Variants in DCC observed in about 807,000 individuals in gnomAD.
DCC encodes the protein DCC netrin 1 receptor, also known as netrin receptor DCC.
DCC carries 58 observed loss-of-function variants against 172.5 expected under a neutral mutation model. That is an observed-to-expected ratio of 0.34 (90% CI 0.27 to 0.42). The LOEUF (loss-of-function observed/expected upper bound fraction) is 0.42, where lower values mean the gene tolerates loss of function less well. Among genes scored for constraint, DCC ranks in the 10% least tolerant of loss-of-function variants. DCC has a pLI of 1.00. For missense variants in DCC, 1,740 were observed against 1,791.0 expected, an observed-to-expected ratio of 0.97 and a Z score of 0.51; for synonymous variants, 709 against 644.5, an observed-to-expected ratio of 1.10 and a Z score of -1.52.
At position 52,467,037 on chromosome 18, in the gene DCC, G is replaced by T. The variant is rs550200527; in HGVS notation, c.91+126159G>T. Among the ~76,000 whole-genome samples the T allele has an allele frequency of 9.0e-4, 115 of 127,786 alleles. 1 individual carries two copies. The highest frequency in any genetic ancestry group is 5.6e-4 in the Non-Finnish European group (32 of 57,488). The allele number at this position is 127,786 out of a possible 152,430, so 83.8% of individuals were successfully genotyped here. A position where few individuals can be genotyped will look rare whatever the true frequency, so the allele number is the denominator to read the frequency against. On this transcript the variant is annotated intron_variant, in intron 1 of 28. Transcript: ENST00000442544. ...TGTGGTTCTTCTTGCTGTAAAAGTG[G>T]TTTTTTTAAAAAAAAAATATATATA...
chr18:52,839,799 T>G lies in DCC; in HGVS notation c.413-66245T>G, dbSNP rs2076630563. The stretch of plus-strand genomic sequence containing the variant: ...ATGGTGTGGATTAGGTGTTACATTT[T>G]GTTTAGACATGGAAAATAAAATAGG... On this transcript the variant is annotated intron_variant, in intron 2 of 28. Transcript: ENST00000442544. Among the ~76,000 whole-genome samples, 5 of 152,230 alleles carry G rather than the reference T, an allele frequency of 3.3e-5. No individual in the cohort carries two copies. The South Asian group carries it at 1.0e-3, about 31-fold the overall frequency.
At chr18:52,943,354 C>T (rs184639549) in intron 5 of DCC, among the ~76,000 whole-genome samples, 93 of 152,166 alleles carry the variant, frequency 6.1e-4, no homozygotes, top group Admixed American at 2.0e-3. Flanking sequence ...GATTTTTCAT[C>T]CTATCTGCTG....
rs144273419 is a variant in DCC at position 53,214,818 on chromosome 18, T to C, written c.1862-730T>C. On this transcript the variant is annotated intron_variant, in intron 11 of 28. Transcript: ENST00000442544. ...TTACTCACATGATAGAATATTCACT[T>C]TTTTGGTAGAGTAAATATTTATTAT... is the stretch of plus-strand genomic sequence containing the variant. Among the ~76,000 whole-genome samples the C allele has an allele frequency of 8.5e-5, 13 of 152,282 alleles. No homozygotes were observed. The East Asian group carries it at 2.5e-3, about 29-fold the overall frequency.
At chr18:52,510,119 C>CAAAA (rs34308021) in intron 1 of DCC, among the ~76,000 whole-genome samples, 1 of 132,986 alleles carries the variant, frequency 7.5e-6, no homozygotes. Flanking sequence ...GCATCCCCTT[C>CAAAA]AAAAAAAAAA....
chr18:52,568,271 T>C (rs1252815058), intron 1 of DCC, among the ~76,000 whole-genome samples: 1 of 152,136 alleles, frequency 6.6e-6, no homozygotes, highest in African/African-American at 2.4e-5. Context: ...CACAAATGTC[T>C]ACAGCTGTTC....
chr18:53,304,454 C>T (rs1360114967), intron 12 of DCC, among the ~76,000 whole-genome samples: 1 of 152,008 alleles, frequency 6.6e-6, no homozygotes, highest in East Asian at 1.9e-4. Context: ...GTTGCCATTG[C>T]TCTAGGTATC....
Position 52,340,621 on chromosome 18 carries a change from A to G in DCC, c.-167A>G, listed in dbSNP as rs1023985723. 8 of 730,398 alleles carry G rather than the reference A, an allele frequency of 1.1e-5. No homozygotes were observed. Among genetic ancestry groups the G allele is most frequent in the Admixed American group, 7.4e-5 (4 of 53,880 alleles). 45.2% of individuals were successfully genotyped at this position (730,398 alleles called of 1,614,324 possible). On this transcript the variant is annotated 5_prime_UTR_variant, in exon 1 of 29. Transcript: ENST00000442544. ...CAAGGAAAAAGGCTTCGAAGGCAGC[A>G]GAGGCGCAGGGGAGGTGGAGAAAGA... is the stretch of plus-strand genomic sequence containing the variant.
At chr18:52,728,892 TC>T (rs2036593421) in intron 1 of DCC, among the ~76,000 whole-genome samples, 1 of 152,148 alleles carries the variant, frequency 6.6e-6, no homozygotes, top group African/African-American at 2.4e-5. Context: ...GTCTCTACAC[TC>T]TCCAGGGATC....
At chr18:53,485,629 C>T (rs1025960171) in intron 25 of DCC, among the ~76,000 whole-genome samples, 33 of 151,962 alleles carry the variant, frequency 2.2e-4, no homozygotes, top group Admixed American at 1.6e-3. Flanking sequence ...TTTTAAGAAA[C>T]GTTATAAATA....
chr18:52,840,458 T>C (rs2038784418), intron 2 of DCC, among the ~76,000 whole-genome samples: 1 of 152,330 alleles, frequency 6.6e-6, no homozygotes, highest in South Asian at 2.1e-4. Flanking sequence ...GCATTCTCAG[T>C]AACACCAATA....
At chr18:53,216,265 AGAGTAT>A (rs1393753432) in intron 12 of DCC, among the ~76,000 whole-genome samples, 1 of 152,178 alleles carries the variant, frequency 6.6e-6, no homozygotes, top group African/African-American at 2.4e-5. Flanking sequence ...GCCACCTAGT[AGAGTAT>A]AACAAATGAG....
At chr18:53,310,660 T>C (rs892357110) in intron 13 of DCC, among the ~76,000 whole-genome samples, 2 of 152,176 alleles carry the variant, frequency 1.3e-5, no homozygotes, top group African/African-American at 4.8e-5. Flanking sequence ...TTAAGAGTTT[T>C]CTTGTGTTTC....
At chr18:52,552,309 T>C (rs2032798871) in intron 1 of DCC, among the ~76,000 whole-genome samples, 1 of 152,054 alleles carries the variant, frequency 6.6e-6, no homozygotes, top group Admixed American at 6.6e-5. Flanking sequence ...AAAGGAATTG[T>C]TATCACAGGA....
intron 25 of DCC, among the ~76,000 whole-genome samples, chr18:53,485,034 G>A (rs1174403320): frequency 6.6e-6 from 1 of 151,954 alleles, no homozygotes; most frequent in East Asian, 1.9e-4. Flanking sequence ...ATGCAAAATA[G>A]CAGACATGTG....
At chr18:53,404,848 T>C (rs1443390813) in intron 19 of DCC, among the ~76,000 whole-genome samples, 1 of 152,160 alleles carries the variant, frequency 6.6e-6, no homozygotes, top group East Asian at 1.9e-4. Flanking sequence ...CCACACTCTT[T>C]ACTTAGATTT....
chr18:53,377,588 C>T (rs1011698378), intron 15 of DCC, among the ~76,000 whole-genome samples: 3 of 152,128 alleles, frequency 2.0e-5, no homozygotes, highest in African/African-American at 7.2e-5. Context: ...TTCAAACAAA[C>T]CATAGCAATC....
In DCC at chr18:53,174,826, C is replaced by T. The variant is rs376952948; in HGVS notation, c.1419-4136C>T. 2.9e-4 allele frequency among the ~76,000 whole-genome samples: 44 copies of T among 151,906 alleles called. No individual in the cohort carries two copies. The Middle Eastern group carries it at 0.017, about 59-fold the overall frequency. On this transcript the variant is annotated intron_variant, in intron 8 of 28. Transcript: ENST00000442544. ...AGGGAATCCTCCCTAACTCTTTTTA[C>T]GAGGCCAGCATCATTCTGATACCAA...
At chr18:52,684,743 A>G (rs1391349719) in intron 1 of DCC, among the ~76,000 whole-genome samples, 1 of 73,004 alleles carries the variant, frequency 1.4e-5, no homozygotes, top group Non-Finnish European at 2.9e-5. Context: ...CACTTAAAAT[A>G]TTCAGAAAAA....
At chr18:53,333,916 G>T (rs1008736964) in intron 14 of DCC, among the ~76,000 whole-genome samples, 4 of 152,112 alleles carry the variant, frequency 2.6e-5, no homozygotes, top group Non-Finnish European at 5.9e-5. Context: ...ATAGCCACAG[G>T]TTTGACTAAT....
Sources: gnomAD v4.1 joint callset for allele counts (sites outside exome capture counted in the v4.1 genomes callset) on GRCh38, gnomAD v4.1.1 for gene constraint, MANE v1.5 for transcripts, NCBI Gene and HGNC (gene_info 2026-07-23, HGNC 2026-07-21) for gene names.